COL5A2: variants seen among roughly 807,000 people sequenced by gnomAD.
The protein encoded by COL5A2 is collagen alpha-2(V) chain.
Under a neutral mutation model 208.2 loss-of-function variants are expected in COL5A2, and 23 were observed. That is an observed-to-expected ratio of 0.11 (90% CI 0.08 to 0.16). The LOEUF (loss-of-function observed/expected upper bound fraction) is 0.16, where lower values mean the gene tolerates loss of function less well. Among genes scored for constraint, COL5A2 ranks in the 10% least tolerant of loss-of-function variants. COL5A2 has a pLI of 1.00. For missense variants in COL5A2, 1,590 were observed against 1,956.4 expected (o/e 0.81, Z 3.53); for synonymous variants, 625 against 628.5 (o/e 0.99, Z 0.08).
At chr2:189,391,028 C>T in the COL5A2 span, among the ~76,000 whole-genome samples, 16 of 151,992 alleles carry the variant, frequency 1.1e-4, no homozygotes, top group Admixed American at 2.0e-4. Context: ...AGTTCAAATG[C>T]GAGTTTATTA....
At chr2:189,271,177 C>T in the COL5A2 span, among the ~76,000 whole-genome samples, 6 of 151,966 alleles carry the variant, frequency 3.9e-5, no homozygotes, top group African/African-American at 1.5e-4. Flanking sequence ...CATATGGAAC[C>T]AAAAAACAGC....
the COL5A2 span, among the ~76,000 whole-genome samples, chr2:189,436,322 A>C: frequency 6.6e-6 from 1 of 152,206 alleles, no homozygotes; most frequent in Non-Finnish European, 1.5e-5. Context: ...GCACAGCAAA[A>C]GAAACTACCA....
At chr2:189,095,454 C>T (rs1477564083) in intron 6 of COL5A2, among the ~76,000 whole-genome samples, 23 of 151,996 alleles carry the variant, frequency 1.5e-4, no homozygotes, top group Admixed American at 1.5e-3. Context: ...CTTGATTCCT[C>T]CTAAAAATCT....
In COL5A2 at chr2:189,075,422, G is replaced by T. The variant is rs1686382968; in HGVS notation, c.1075C>A (p.His359Asn). The change falls in exon 17 of 54, where the codon CAT (histidine) becomes AAT (asparagine). Residue 359 changes from histidine to asparagine, a missense_variant. Coordinates refer to ENST00000374866, the MANE Select transcript of COL5A2 (RefSeq NM_000393.5). The stretch of plus-strand genomic sequence containing the variant: ...GGTCCAGGTTTTCCAGGCATACCAT[G>T]TGCACCTCGTTGTCCCTAATTAAGA... ...PQGAPGQRGA[H>N]GMPGKPGPMG... 1 of 1,606,254 alleles carries T rather than the reference G, an allele frequency of 6.2e-7. No homozygotes were observed. Among genetic ancestry groups the T allele is most frequent in the Non-Finnish European group, 8.5e-7 (1 of 1,173,430 alleles).
upstream of COL5A2, among the ~76,000 whole-genome samples, chr2:189,226,978 A>G (rs868804564): frequency 2.0e-5 from 3 of 152,282 alleles, no homozygotes; most frequent in South Asian, 4.2e-4. Flanking sequence ...AAAGCAAAAG[A>G]TTATGAACTT....
chr2:189,279,185 A>G, the COL5A2 span, among the ~76,000 whole-genome samples: 5 of 151,972 alleles, frequency 3.3e-5, no homozygotes, highest in Admixed American at 6.6e-5. Flanking sequence ...AAAGAATAAG[A>G]CGAACTAGCA....
chr2:189,173,002 G>A (rs1454262727), intron 1 of COL5A2, among the ~76,000 whole-genome samples: 8 of 106,442 alleles, frequency 7.5e-5, no homozygotes, highest in South Asian at 2.8e-4. Flanking sequence ...ACGGAGTCTC[G>A]TTTTGTTGCC....
chr2:189,306,965 C>T, the COL5A2 span, among the ~76,000 whole-genome samples: 1 of 152,148 alleles, frequency 6.6e-6, no homozygotes, highest in Non-Finnish European at 1.5e-5. Context: ...CCACCCATTT[C>T]CTCAAAATAT....
chr2:189,383,352 C>T, the COL5A2 span, among the ~76,000 whole-genome samples: 1 of 152,218 alleles, frequency 6.6e-6, no homozygotes, highest in Non-Finnish European at 1.5e-5. Context: ...GTTTCCTCCT[C>T]ATTTTATAAT....
intron 1 of COL5A2, among the ~76,000 whole-genome samples, chr2:189,118,419 C>T (rs1576539006): frequency 6.6e-6 from 1 of 152,040 alleles, no homozygotes; most frequent in East Asian, 1.9e-4. Context: ...CCTCCTTTTT[C>T]AATTTTCCCT....
chr2:189,086,670 A>G (rs373797408), intron 9 of COL5A2, 56 bp downstream of exon 9: 12 of 1,343,370 alleles, frequency 8.9e-6, no homozygotes, highest in Non-Finnish European at 1.3e-5. Flanking sequence ...CTTATGTAAT[A>G]TATGTGTGTG....
chr2:189,334,696 G>A, the COL5A2 span, among the ~76,000 whole-genome samples: 9 of 151,988 alleles, frequency 5.9e-5, no homozygotes, highest in East Asian at 1.9e-4. Context: ...TCAGTTAAAC[G>A]TAAGCAGGTG....
chr2:189,179,751 GCA>G lies in COL5A2; in HGVS notation c.-149_-148del. 7.1e-7 allele frequency: 1 copy of G among 1,413,076 alleles called. No homozygotes were observed. The highest frequency in any genetic ancestry group is 9.5e-7 in the Non-Finnish European group (1 of 1,047,978). The allele number at this position is 1,413,076 out of a possible 1,614,324, so 87.5% of individuals were successfully genotyped here. ...ACCCCCTTTTTCAGCACCAGCTCCA[GCA>G]CAGTCTGCGAAAACTTTTTTCAAGC... is the stretch of plus-strand genomic sequence containing the variant. On this transcript the variant is annotated 5_prime_UTR_variant, in exon 1 of 54. Coordinates refer to ENST00000374866, the MANE Select transcript of COL5A2 (RefSeq NM_000393.5).
At chr2:189,041,364 A>T (rs1020612594) in intron 50 of COL5A2, among the ~76,000 whole-genome samples, 5 of 152,166 alleles carry the variant, frequency 3.3e-5, no homozygotes, top group Non-Finnish European at 7.3e-5. Context: ...TGTTAGTATC[A>T]CATTATGTTA....
intron 1 of COL5A2, among the ~76,000 whole-genome samples, chr2:189,165,883 T>C (rs2105809670): frequency 6.6e-6 from 1 of 152,344 alleles, no homozygotes; most frequent in South Asian, 2.1e-4. Flanking sequence ...CTACTGCCTG[T>C]AGGCCTAGTT....
the COL5A2 span, among the ~76,000 whole-genome samples, chr2:189,393,988 G>C: frequency 6.6e-6 from 1 of 152,044 alleles, no homozygotes; most frequent in African/African-American, 2.4e-5. Context: ...ATCTGTTGTA[G>C]GCCATTTTCT....
chr2:189,410,831 A>G, the COL5A2 span, among the ~76,000 whole-genome samples: 4 of 152,222 alleles, frequency 2.6e-5, no homozygotes, highest in African/African-American at 9.6e-5. Flanking sequence ...AGTAACATTA[A>G]GAATAACTAA....
chr2:189,110,176 T>C (rs1404638877), intron 2 of COL5A2, 49 bp downstream of exon 2: 1 of 1,307,446 alleles, frequency 7.6e-7, no homozygotes, highest in Non-Finnish European at 1.1e-6. Context: ...ACTGCAACTA[T>C]AAAGGTGAGT....
At chr2:189,269,063 A>G in the COL5A2 span, among the ~76,000 whole-genome samples, 1 of 152,228 alleles carries the variant, frequency 6.6e-6, no homozygotes, top group South Asian at 2.1e-4. Flanking sequence ...CCAGTACTTA[A>G]CCATTTTCAA....
Sources: allele counts gnomAD v4.1 joint callset (sites outside exome capture counted in the v4.1 genomes callset), GRCh38; gene constraint gnomAD v4.1.1; transcripts MANE v1.5; gene names NCBI Gene and HGNC (gene_info 2026-07-23, HGNC 2026-07-21).